ANKH: variants seen among roughly 807,000 people sequenced by gnomAD.
ANKH encodes ANKH inorganic pyrophosphate transport regulator.
ANKH carries 15 observed loss-of-function variants against 49.0 expected under a neutral mutation model. That is an observed-to-expected ratio of 0.31 (90% CI 0.20 to 0.47). The LOEUF (loss-of-function observed/expected upper bound fraction) is 0.47, where lower values mean the gene tolerates loss of function less well. Ranked by LOEUF, ANKH falls within the 20% of genes least tolerant of loss-of-function variation. ANKH has a pLI of 1.00. For synonymous variants in ANKH, 273 were observed against 260.0 expected, an observed-to-expected ratio of 1.05 and a Z score of -0.48; for missense variants, 429 against 652.0, an observed-to-expected ratio of 0.66 and a Z score of 3.72.
At position 14,709,805 on chromosome 5, in the gene ANKH, G is replaced by GCAAT. The variant is rs1410652569; in HGVS notation, c.*1388_*1391dup. ...AACTGCAGGTATGTTGAGCACACAA[G>GCAAT]CAATCACCGTATTGTATTAGAGACA... On this transcript the variant is annotated 3_prime_UTR_variant, in exon 12 of 12. Transcript: ENST00000284268. 3 of 152,584 alleles carry GCAAT rather than the reference G, an allele frequency of 2.0e-5. No homozygotes were observed. The highest frequency in any genetic ancestry group is 2.9e-5 in the Non-Finnish European group (2 of 68,036). 9.5% of individuals were successfully genotyped at this position (152,584 alleles called of 1,614,324 possible). A position where few individuals can be genotyped will look rare whatever the true frequency, so the allele number is the denominator to read the frequency against.
chr5:14,842,509 T>C (rs1193096493), intron 1 of ANKH, among the ~76,000 whole-genome samples: 2 of 152,314 alleles, frequency 1.3e-5, no homozygotes, highest in East Asian at 3.9e-4. Flanking sequence ...CACACCGATC[T>C]GGGTTTGGCC....
At chr5:14,746,086 T>C (rs991818965) in intron 6 of ANKH, 124 bp from the exon 7 acceptor site, 1 of 770,134 alleles carries the variant, frequency 1.3e-6, no homozygotes, top group Non-Finnish European at 2.2e-6. Context: ...CTACACTGGG[T>C]GACAAACATC....
At chr5:14,808,279 G>A (rs1003186853) in intron 1 of ANKH, among the ~76,000 whole-genome samples, 6 of 151,948 alleles carry the variant, frequency 3.9e-5, no homozygotes, top group Admixed American at 1.3e-4. Flanking sequence ...TGAATGTAGA[G>A]TTTGTAAATC....
intron 5 of ANKH, 116 bp from the exon 6 acceptor site, chr5:14,749,422 G>T: frequency 1.7e-6 from 2 of 1,154,286 alleles, no homozygotes; most frequent in Non-Finnish European, 1.3e-6. Flanking sequence ...CACTATACTT[G>T]AAAGTAATAT....
chr5:14,792,581 C>T (rs910541015), intron 1 of ANKH, among the ~76,000 whole-genome samples: 7 of 152,054 alleles, frequency 4.6e-5, no homozygotes, highest in African/African-American at 7.2e-5. Flanking sequence ...AAGGAAAGAA[C>T]GATTTGGGGG....
chr5:14,707,145 A>G lies in ANKH; in HGVS notation c.*4052T>C, dbSNP rs921928745. On this transcript the variant is annotated 3_prime_UTR_variant, in exon 12 of 12. Coordinates refer to ENST00000284268, the MANE Select transcript of ANKH (RefSeq NM_054027.6). The stretch of plus-strand genomic sequence containing the variant: ...CTGCAAAGCTGGTACTAACCGGCAC[A>G]TGCTGTCCTGGGCACTGTTCTGCTG... The G allele has an allele frequency of 6.6e-6, 1 of 152,252 alleles. No homozygotes were observed. 9.4% of individuals were successfully genotyped at this position (152,252 alleles called of 1,614,324 possible).
intron 1 of ANKH, among the ~76,000 whole-genome samples, chr5:14,838,978 C>T (rs1241047444): frequency 6.6e-6 from 1 of 152,172 alleles, no homozygotes; most frequent in African/African-American, 2.4e-5. Context: ...ACATTACACT[C>T]CCTTCGAACA....
rs564187962 is a variant in ANKH, at chr5:14,829,044, C to T, written c.96+42308G>A. 2.4e-3 allele frequency among the ~76,000 whole-genome samples: 359 copies of T among 152,010 alleles called. 2 individuals are homozygous for T. Among genetic ancestry groups the T allele is most frequent in the African/African-American group, 8.3e-3 (344 of 41,458 alleles). ...ATTAAAAATACAAAAATTAGCCAGGCGTGGTGGTGGGCACCTGTAATCCCA... is the reference window on the plus strand; with the variant it reads ...ATTAAAAATACAAAAATTAGCCAGGTGTGGTGGTGGGCACCTGTAATCCCA... On this transcript the variant is annotated intron_variant, in intron 1 of 11. Transcript: ENST00000284268.
At chr5:14,783,948 G>A (rs943004947) in intron 1 of ANKH, among the ~76,000 whole-genome samples, 1 of 152,206 alleles carries the variant, frequency 6.6e-6, no homozygotes, top group African/African-American at 2.4e-5. Flanking sequence ...TCTTGCTCCA[G>A]CCCTTTCACC....
At chr5:14,797,940 T>C (rs1740442207) in intron 1 of ANKH, 1 of 1,585,864 alleles carries the variant, frequency 6.3e-7, no homozygotes, top group Non-Finnish European at 8.7e-7. Flanking sequence ...ATGTTTTGTA[T>C]AGTCAAAGAC....
intron 1 of ANKH, among the ~76,000 whole-genome samples, chr5:14,777,822 C>T (rs897627112): frequency 2.0e-5 from 3 of 152,166 alleles, no homozygotes; most frequent in African/African-American, 7.2e-5. Flanking sequence ...GATGTGTAGA[C>T]AGATTATCTT....
intron 1 of ANKH, among the ~76,000 whole-genome samples, chr5:14,852,747 A>G (rs950478783): frequency 6.6e-6 from 1 of 152,144 alleles, no homozygotes; most frequent in African/African-American, 2.4e-5. Flanking sequence ...CCGTCCCCCA[A>G]AAATGTCTTT....
intron 2 of ANKH, among the ~76,000 whole-genome samples, chr5:14,764,855 A>G (rs1368890592): frequency 6.6e-6 from 1 of 152,230 alleles, no homozygotes; most frequent in Admixed American, 6.5e-5. Context: ...GTTCCCCTGA[A>G]TTCTGCTGAC....
At chr5:14,729,875 G>T (rs763952431) in intron 8 of ANKH, among the ~76,000 whole-genome samples, 1 of 152,152 alleles carries the variant, frequency 6.6e-6, no homozygotes, top group South Asian at 2.1e-4. Context: ...CTCTGATGCC[G>T]CTGCTCTTTG....
rs780991449 is a variant in ANKH at position 14,751,089 on chromosome 5, T to C, written c.667A>G (p.Arg223Gly). 1 of 1,614,242 alleles carries C rather than the reference T, an allele frequency of 6.2e-7. No individual in the cohort carries two copies. Reference sequence around the variant, plus strand: ...CGTACCCCCAGCTCCGGGCCACTTCTGTCAGGGATGATGTCGTGAATGTTC... The same window carrying C: ...CGTACCCCCAGCTCCGGGCCACTTCCGTCAGGGATGATGTCGTGAATGTTC... ...YKNIHDIIPD[R>G]SGPELGGDAT... The change falls in exon 5 of 12, where the codon AGA becomes GGA. Residue 223 changes from arginine (R) to glycine (G), a missense_variant. Coordinates refer to ENST00000284268, the MANE Select transcript of ANKH (RefSeq NM_054027.6).
At chr5:14,721,705 A>C (rs373164436) in intron 8 of ANKH, among the ~76,000 whole-genome samples, 46 of 152,150 alleles carry the variant, frequency 3.0e-4, no homozygotes, top group African/African-American at 6.3e-4. Context: ...CCAAGGTGGG[A>C]GGATCACAAG....
chr5:14,734,870 A>G (rs1738126227), intron 8 of ANKH, among the ~76,000 whole-genome samples: 1 of 152,220 alleles, frequency 6.6e-6, no homozygotes, highest in South Asian at 2.1e-4. Flanking sequence ...GGTAAATAGA[A>G]GAAGAGATCA....
chr5:14,801,923 T>C lies in ANKH; in HGVS notation c.97-32732A>G, dbSNP rs1393718791. The stretch of plus-strand genomic sequence containing the variant: ...GCATGCAGTGGGGATACATCTGTTG[T>C]AGGAGTGTGTGTGCACTAACATGTC... On this transcript the variant is annotated intron_variant, in intron 1 of 11. Coordinates refer to ENST00000284268, the MANE Select transcript of ANKH (RefSeq NM_054027.6). Among the ~76,000 whole-genome samples the C allele has an allele frequency of 2.6e-5, 4 of 152,222 alleles. No individual in the cohort carries two copies. In the East Asian group the frequency reaches 7.7e-4, roughly 29 times the overall value.
intron 8 of ANKH, 84 bp from the exon 9 acceptor site, chr5:14,716,919 G>C: frequency 6.4e-7 from 1 of 1,561,690 alleles, no homozygotes; most frequent in South Asian, 1.1e-5. Flanking sequence ...ACAATCCTTG[G>C]AGAGTTACGA....
Sources: allele counts gnomAD v4.1 joint callset (sites outside exome capture counted in the v4.1 genomes callset), GRCh38; gene constraint gnomAD v4.1.1; transcripts MANE v1.5; gene names NCBI Gene and HGNC (gene_info 2026-07-23, HGNC 2026-07-21).